Variants in FOXO1 observed in about 807,000 individuals in gnomAD.
FOXO1 encodes the protein forkhead box O1.
FOXO1 carries 6 observed loss-of-function variants against 44.1 expected under a neutral mutation model. The observed-to-expected ratio is 0.14, with a 90% CI of 0.07 to 0.27. FOXO1 has a LOEUF of 0.27. Among genes scored for constraint, FOXO1 ranks in the 10% least tolerant of loss-of-function variants. The pLI is 1.00. For missense variants in FOXO1, 737 were observed against 888.8 expected (o/e 0.83, Z 2.17); for synonymous variants, 380 against 362.7 (o/e 1.05, Z -0.54).
At chr13:40,602,021 C>A (rs1356712337) in intron 1 of FOXO1, among the ~76,000 whole-genome samples, 1 of 152,174 alleles carries the variant, frequency 6.6e-6, no homozygotes, top group East Asian at 1.9e-4. Flanking sequence ...AACTACATGA[C>A]ATAGAAAGAT....
intron 1 of FOXO1, among the ~76,000 whole-genome samples, chr13:40,601,823 T>C (rs987950988): frequency 2.6e-5 from 4 of 152,192 alleles, no homozygotes; most frequent in Admixed American, 2.6e-4. Context: ...GATAAATACT[T>C]TGAAATGGAA....
At chr13:40,596,048 G>T (rs188091702) in intron 1 of FOXO1, among the ~76,000 whole-genome samples, 2 of 150,928 alleles carry the variant, frequency 1.3e-5, no homozygotes, top group Non-Finnish European at 2.9e-5. Context: ...AATTTGCTCT[G>T]AGTTGGAAGG....
At chr13:40,616,979 AAT>A (rs1323875652) in intron 1 of FOXO1, among the ~76,000 whole-genome samples, 1 of 152,212 alleles carries the variant, frequency 6.6e-6, no homozygotes, top group Non-Finnish European at 1.5e-5. Context: ...CTAACATGTG[AAT>A]ACATACAAAA....
intron 1 of FOXO1, among the ~76,000 whole-genome samples, chr13:40,576,458 T>C (rs955784356): frequency 4.6e-5 from 7 of 152,154 alleles, no homozygotes; most frequent in Non-Finnish European, 8.8e-5. Context: ...TATCCACAAA[T>C]GTAACTGTGA....
chr13:40,656,276 A>T (rs1290709278), intron 1 of FOXO1, among the ~76,000 whole-genome samples: 1 of 152,256 alleles, frequency 6.6e-6, no homozygotes, highest in Non-Finnish European at 1.5e-5. Context: ...AGGCAATATT[A>T]GAACTGACAT....
intron 1 of FOXO1, among the ~76,000 whole-genome samples, chr13:40,604,669 T>C (rs1208081566): frequency 1.3e-5 from 2 of 152,168 alleles, no homozygotes; most frequent in African/African-American, 4.8e-5. Flanking sequence ...AAACATGCCA[T>C]GACAACAGGA....
chr13:40,660,358 A>G (rs1313296036), intron 1 of FOXO1, among the ~76,000 whole-genome samples: 3 of 152,236 alleles, frequency 2.0e-5, no homozygotes, highest in Non-Finnish European at 4.4e-5. Flanking sequence ...ATAGGCCAAA[A>G]AAATGGCTGG....
chr13:40,629,488 G>A (rs1446995146), intron 1 of FOXO1, among the ~76,000 whole-genome samples: 1 of 152,158 alleles, frequency 6.6e-6, no homozygotes, highest in African/African-American at 2.4e-5. Context: ...GCCTCTAGAG[G>A]TATATCAAGT....
chr13:40,571,688 C>A lies in FOXO1; in HGVS notation c.631-10828G>T, dbSNP rs150770806. On this transcript the variant is annotated intron_variant, in intron 1 of 2. Transcript: ENST00000379561. ...CTGTCTCAGATGCAAAAGGCCCCAC[C>A]ACAGGAGAATATTAAGAGGAAACTC... 6.6e-3 allele frequency among the ~76,000 whole-genome samples: 1,007 copies of A among 152,308 alleles called. 13 individuals are homozygous for A. The highest frequency in any genetic ancestry group is 0.023 in the African/African-American group (936 of 41,558).
chr13:40,607,659 A>G (rs1876060956), intron 1 of FOXO1, among the ~76,000 whole-genome samples: 1 of 152,212 alleles, frequency 6.6e-6, no homozygotes, highest in Non-Finnish European at 1.5e-5. Context: ...ATACATCTCT[A>G]TACACTCAAT....
chr13:40,619,651 G>C, intron 1 of FOXO1: 1 of 1,546,836 alleles, frequency 6.5e-7, no homozygotes, highest in Non-Finnish European at 8.9e-7. Flanking sequence ...CCAAACCTCA[G>C]TGAATTTCAA....
Position 40,603,891 on chromosome 13 carries a change from A to C in FOXO1, c.631-43031T>G, listed in dbSNP as rs533391880. Reference sequence around the variant, plus strand: ...AAAAGCACAACTGAGTTTCAAGAAAACTATAACTCAACTACTGTACTAGAG... The same window carrying C: ...AAAAGCACAACTGAGTTTCAAGAAACCTATAACTCAACTACTGTACTAGAG... On this transcript the variant is annotated intron_variant, in intron 1 of 2. Coordinates refer to ENST00000379561, the MANE Select transcript of FOXO1 (RefSeq NM_002015.4). Among the ~76,000 whole-genome samples the C allele has an allele frequency of 3.3e-5, 5 of 152,356 alleles. No homozygotes were observed. The South Asian group carries it at 8.3e-4, about 25-fold the overall frequency.
chr13:40,573,604 T>A (rs572555550), intron 1 of FOXO1, among the ~76,000 whole-genome samples: 2 of 152,332 alleles, frequency 1.3e-5, no homozygotes, highest in South Asian at 4.1e-4. Flanking sequence ...AATGCTGCAG[T>A]TCGAATCATG....
chr13:40,619,673 C>T, intron 1 of FOXO1: 1 of 1,454,650 alleles, frequency 6.9e-7, no homozygotes, highest in South Asian at 1.1e-5. Flanking sequence ...GGTGGTAGTT[C>T]CAACATTCTA....
At chr13:40,654,632 C>G (rs1028704158) in intron 1 of FOXO1, among the ~76,000 whole-genome samples, 1 of 152,050 alleles carries the variant, frequency 6.6e-6, no homozygotes, top group African/African-American at 2.4e-5. Flanking sequence ...CCAAGTCACA[C>G]TGAAAAAGTT....
intron 1 of FOXO1, among the ~76,000 whole-genome samples, chr13:40,581,870 T>C (rs1874968651): frequency 6.6e-6 from 1 of 152,220 alleles, no homozygotes; most frequent in Admixed American, 6.5e-5. Context: ...AAGGGGATCC[T>C]ACAAAGAATT....
chr13:40,659,123 T>G (rs1877951910), intron 1 of FOXO1, among the ~76,000 whole-genome samples: 1 of 152,054 alleles, frequency 6.6e-6, no homozygotes, highest in South Asian at 2.1e-4. Flanking sequence ...GAGACCAGCC[T>G]GACCAACATG....
At chr13:40,651,422 C>G (rs866328419) in intron 1 of FOXO1, among the ~76,000 whole-genome samples, 1 of 152,050 alleles carries the variant, frequency 6.6e-6, no homozygotes, top group South Asian at 2.1e-4. Context: ...AGTATCCACT[C>G]CAAAACCAGA....
intron 1 of FOXO1, among the ~76,000 whole-genome samples, chr13:40,572,801 G>A (rs556691398): frequency 6.6e-6 from 1 of 152,278 alleles, no homozygotes; most frequent in South Asian, 2.1e-4. Flanking sequence ...TCCACCTGAG[G>A]AGGCAGAGCA....
Sources: gnomAD v4.1 joint callset for allele counts (sites outside exome capture counted in the v4.1 genomes callset) on GRCh38, gnomAD v4.1.1 for gene constraint, MANE v1.5 for transcripts, NCBI Gene and HGNC (gene_info 2026-07-23, HGNC 2026-07-21) for gene names.